SLC17A6: variants seen among roughly 807,000 people sequenced by gnomAD.
SLC17A6 encodes the protein solute carrier family 17 member 6.
Under a neutral mutation model 67.1 loss-of-function variants are expected in SLC17A6, and 35 were observed. The observed-to-expected ratio is 0.52, with a 90% CI of 0.40 to 0.69. The LOEUF (loss-of-function observed/expected upper bound fraction) is 0.69. Among genes scored for constraint, SLC17A6 ranks in the 30% least tolerant of loss-of-function variants. The pLI is 0.00. For synonymous variants in SLC17A6, 285 were observed against 252.3 expected (o/e 1.13, Z -1.23); for missense variants, 588 against 723.9 (o/e 0.81, Z 2.15).
chr11:22,341,481 G>T, intron 1 of SLC17A6, 47 bp from the exon 2 acceptor site: 3 of 1,595,530 alleles, frequency 1.9e-6, no homozygotes, highest in African/African-American at 1.3e-5. Flanking sequence ...AGCATCGGGG[G>T]TACCTAAGCC....
chr11:22,350,649 C>T (rs1408538766), intron 3 of SLC17A6, among the ~76,000 whole-genome samples: 1 of 152,074 alleles, frequency 6.6e-6, no homozygotes, highest in Non-Finnish European at 1.5e-5. Context: ...CATTAGTTTG[C>T]ACATTTCTTT....
chr11:22,347,065 G>A (rs1163867563), intron 3 of SLC17A6, among the ~76,000 whole-genome samples: 1 of 150,830 alleles, frequency 6.6e-6, no homozygotes, highest in Non-Finnish European at 1.5e-5. Flanking sequence ...TTTTTACATG[G>A]CACTTATCAC....
intron 7 of SLC17A6, among the ~76,000 whole-genome samples, chr11:22,366,080 A>C (rs949561181): frequency 5.3e-5 from 8 of 152,104 alleles, no homozygotes; most frequent in African/African-American, 1.9e-4. Context: ...GTCCCCCCGC[A>C]TCCTGAACAG....
Position 22,376,729 on chromosome 11 carries a change from CT to C in SLC17A6, c.1413+62del. On this transcript the variant is annotated intron_variant, in intron 11 of 11. Transcript: ENST00000263160. Reference sequence around the variant, plus strand: ...GAAGACAGTTTCTCAAAATGATAATCTTTTTGGAAAAGAGTTAAAATATTAT... The same window carrying C: ...GAAGACAGTTTCTCAAAATGATAATCTTTTGGAAAAGAGTTAAAATATTAT... 10 of 1,585,952 alleles carry C rather than the reference CT, an allele frequency of 6.3e-6. No individual in the cohort carries two copies. In the South Asian group the frequency reaches 1.0e-4, roughly 16 times the overall value.
intron 3 of SLC17A6, among the ~76,000 whole-genome samples, chr11:22,358,265 T>C (rs1209975586): frequency 6.6e-6 from 1 of 152,230 alleles, no homozygotes; most frequent in Non-Finnish European, 1.5e-5. Context: ...AGTTATAAAG[T>C]AACCGAGCTA....
intron 3 of SLC17A6, among the ~76,000 whole-genome samples, chr11:22,344,043 G>C (rs1472385466): frequency 6.6e-6 from 1 of 152,106 alleles, no homozygotes; most frequent in Non-Finnish European, 1.5e-5. Context: ...TAAAGCATAA[G>C]ACCTAAGGAC....
chr11:22,354,457 C>T (rs1390862094), intron 3 of SLC17A6, among the ~76,000 whole-genome samples: 1 of 152,118 alleles, frequency 6.6e-6, no homozygotes, highest in African/African-American at 2.4e-5. Flanking sequence ...ACTTATACTT[C>T]GTTTAAGAAA....
chr11:22,359,445 C>T lies in SLC17A6; in HGVS notation c.491C>T (p.Thr164Ile), dbSNP rs757703494. Residue 164 changes from threonine (T) to isoleucine (I), a missense_variant, in exon 4 of 12, where the codon ACC becomes ATC. Physicochemically the swap from Thr to Ile is moderately conservative, Grantham distance 89 (BLOSUM62 -1). Around this residue, in one of 4 missense-constraint regions of SLC17A6, gnomAD observed 414 missense variants for 563.4 expected, o/e 0.73. Transcript: ENST00000263160. ...GGAGCTGCCATACTTCTTACCTCTA[C>T]CCTAAATATGCTAATTCCATCAGCA... The part of the protein sequence containing the change: ...VFGAAILLTS[T>I]LNMLIPSAAR... 1.3e-6 allele frequency: 2 copies of T among 1,599,860 alleles called. No individual in the cohort carries two copies. Among genetic ancestry groups the T allele is most frequent in the South Asian group, 1.1e-5 (1 of 88,566 alleles).
chr11:22,344,178 C>G (rs1400729158), intron 3 of SLC17A6, among the ~76,000 whole-genome samples: 1 of 152,132 alleles, frequency 6.6e-6, no homozygotes, highest in African/African-American at 2.4e-5. Flanking sequence ...TTGTTGAACC[C>G]ACACAGAACA....
rs995491351 is a variant in SLC17A6, at chr11:22,378,906, C to T, written c.*1166C>T. 1.3e-5 allele frequency: 2 copies of T among 152,158 alleles called. No homozygotes were observed. The highest frequency in any genetic ancestry group is 4.8e-5 in the African/African-American group (2 of 41,412). The allele number at this position is 152,158 out of a possible 1,614,324, so 9.4% of individuals were successfully genotyped here. A position where few individuals can be genotyped will look rare whatever the true frequency, so the allele number is the denominator to read the frequency against. Reference sequence around the variant, plus strand: ...ACAGAAACATAATAAACAATCTTCACACGAAACCAAAAATAGCATACACCT... The same window carrying T: ...ACAGAAACATAATAAACAATCTTCATACGAAACCAAAAATAGCATACACCT... On this transcript the variant is annotated 3_prime_UTR_variant, in exon 12 of 12. Coordinates refer to ENST00000263160, the MANE Select transcript of SLC17A6 (RefSeq NM_020346.3).
chr11:22,343,319 A>G lies in SLC17A6; in HGVS notation c.412A>G (p.Thr138Ala), dbSNP rs754701080. Reference sequence around the variant, plus strand: ...TTCCTTCTTTTGGGGCTACATCATCACTCAGATTCCGGGAGGCTACATCGC... The same window carrying G: ...TTCCTTCTTTTGGGGCTACATCATCGCTCAGATTCCGGGAGGCTACATCGC... ...HGSFFWGYII[T>A]QIPGGYIASR... The change falls in exon 3 of 12, where the codon ACT becomes GCT. Residue 138 changes from threonine to alanine, a missense_variant. Transcript: ENST00000263160. 1.2e-6 allele frequency: 2 copies of G among 1,612,022 alleles called. No homozygotes were observed. The highest frequency in any genetic ancestry group is 1.7e-6 in the Non-Finnish European group (2 of 1,179,452).
At chr11:22,355,560 G>C (rs922798143) in intron 3 of SLC17A6, among the ~76,000 whole-genome samples, 1 of 152,018 alleles carries the variant, frequency 6.6e-6, no homozygotes, top group African/African-American at 2.4e-5. Context: ...GTCACCCTCT[G>C]AAGTCACCCC....
At chr11:22,357,670 G>A (rs867539305) in intron 3 of SLC17A6, among the ~76,000 whole-genome samples, 40 of 152,106 alleles carry the variant, frequency 2.6e-4, no homozygotes, top group African/African-American at 9.4e-4. Flanking sequence ...CCTTCAAAAA[G>A]GGAGAGACAG....
intron 7 of SLC17A6, 59 bp from the exon 8 acceptor site, chr11:22,369,980 C>T: frequency 6.6e-7 from 1 of 1,521,750 alleles, no homozygotes; most frequent in Non-Finnish European, 8.9e-7. Context: ...ACCTATTATT[C>T]CCACTTAGGT....
chr11:22,360,414 A>G (rs562262933), intron 4 of SLC17A6, among the ~76,000 whole-genome samples: 9 of 152,068 alleles, frequency 5.9e-5, no homozygotes, highest in Admixed American at 5.9e-4. Context: ...GGTCCAGTAA[A>G]CCACCATGGC....
intron 6 of SLC17A6, among the ~76,000 whole-genome samples, chr11:22,364,617 G>A (rs1198644834): frequency 6.7e-6 from 1 of 148,818 alleles, no homozygotes; most frequent in African/African-American, 2.5e-5. Flanking sequence ...TATGTATGGT[G>A]TTAGGAAACC....
chr11:22,356,279 T>G (rs974595102), intron 3 of SLC17A6, among the ~76,000 whole-genome samples: 12 of 152,158 alleles, frequency 7.9e-5, no homozygotes, highest in Admixed American at 5.9e-4. Flanking sequence ...ATGTTTGAAG[T>G]GTAAATGCAT....
At chr11:22,365,145 T>A (rs1005512611) in intron 6 of SLC17A6, among the ~76,000 whole-genome samples, 7 of 152,156 alleles carry the variant, frequency 4.6e-5, no homozygotes, top group Non-Finnish European at 7.4e-5. Context: ...AGGCAGGCAA[T>A]AAAGAAAAGA....
chr11:22,363,852 T>G (rs1008055503), intron 6 of SLC17A6, among the ~76,000 whole-genome samples: 2 of 152,026 alleles, frequency 1.3e-5, no homozygotes, highest in African/African-American at 2.4e-5. Flanking sequence ...TTCAAAGGAG[T>G]GCATAATTCA....
Sources: gnomAD v4.1 joint callset for allele counts (sites outside exome capture counted in the v4.1 genomes callset) on GRCh38, gnomAD v4.1.1 for gene constraint, gnomAD v4.1.1 regional missense constraint, MANE v1.5 for transcripts, NCBI Gene and HGNC (gene_info 2026-07-23, HGNC 2026-07-21) for gene names.